Variants in RPL31 observed in about 807,000 individuals in gnomAD.
RPL31 encodes the protein large ribosomal subunit protein eL31.
For missense variants in RPL31, 95 were observed against 164.0 expected, an observed-to-expected ratio of 0.58 and a Z score of 2.30; for synonymous variants, 51 against 55.0, an observed-to-expected ratio of 0.93 and a Z score of 0.32.
intron 3 of RPL31, 77 bp downstream of exon 3, chr2:101,004,360 CAGTT>C: frequency 6.6e-7 from 1 of 1,512,254 alleles, no homozygotes; most frequent in Non-Finnish European, 9.0e-7. Flanking sequence ...GAGCCCATAT[CAGTT>C]CAGTAATTTG....
At chr2:101,005,897 G>GC in intron 3 of RPL31, 62 bp from the exon 4 acceptor site, 1 of 1,378,434 alleles carries the variant, frequency 7.3e-7, no homozygotes, top group South Asian at 1.2e-5. Context: ...TGTGAATACA[G>GC]CTAGTGGCTG....
intron 4 of RPL31, chr2:101,018,031 C>A: frequency 8.4e-7 from 1 of 1,190,436 alleles, no homozygotes. Context: ...TTCTACATAT[C>A]AACCCCTTTT....
At chr2:101,009,496 C>G (rs564971260), downstream of RPL31, among the ~76,000 whole-genome samples, 1 of 150,994 alleles carries the variant, frequency 6.6e-6, no homozygotes, top group South Asian at 2.1e-4. Flanking sequence ...TGAAAGGAAA[C>G]CTGAGTATGA....
chr2:101,004,344 C>T (rs1287665194), intron 3 of RPL31, 61 bp downstream of exon 3: 3 of 1,581,762 alleles, frequency 1.9e-6, no homozygotes, highest in African/African-American at 1.4e-5. Flanking sequence ...TCACTTAACC[C>T]TGCAAGAGCC....
In RPL31 at chr2:101,004,206, T is replaced by G. The variant is rs1678637425; in HGVS notation, c.156T>G (p.Phe52Leu). 6.2e-7 allele frequency: 1 copy of G among 1,613,968 alleles called. No homozygotes were observed. The highest frequency in any genetic ancestry group is 8.5e-7 in the Non-Finnish European group (1 of 1,179,956). The change falls in exon 3 of 5, where the codon TTT becomes TTG. Residue 52 changes from phenylalanine to leucine, a missense_variant. Phe to Leu is a conservative substitution (Grantham distance 22, BLOSUM62 0). Transcript: ENST00000264258. Reference protein sequence around the residue: ...APRALKEIRKFAMKEMGTPDV... With the variant: ...APRALKEIRKLAMKEMGTPDV... ...GGGCACTCAAAGAGATTCGGAAATT[T>G]GCCATGAAGGAGATGGGAACTCCAG...
downstream of RPL31, chr2:101,010,861 G>A (rs143243109): frequency 2.0e-4 from 274 of 1,348,502 alleles, 2 homozygotes; most frequent in East Asian, 3.5e-3. Flanking sequence ...CAGCCTGGGC[G>A]ACAGAGCGAG....
chr2:101,018,009 A>T, intron 4 of RPL31: 6 of 1,396,154 alleles, frequency 4.3e-6, no homozygotes, highest in Non-Finnish European at 5.9e-6. Context: ...TTCTACTTCA[A>T]GCATGTGCTC....
chr2:101,011,006 T>G (rs1141419), downstream of RPL31: 13 of 1,612,756 alleles, frequency 8.1e-6, no homozygotes, highest in African/African-American at 1.5e-4. Context: ...TTCAGCTGTT[T>G]CTGATAATCA....
At chr2:101,002,978 C>T (rs1012707816) in intron 2 of RPL31, among the ~76,000 whole-genome samples, 170 bp downstream of exon 2, 1 of 152,172 alleles carries the variant, frequency 6.6e-6, no homozygotes, top group Non-Finnish European at 1.5e-5. Flanking sequence ...CATTCACAGT[C>T]TGACCAGCTG....
chr2:101,005,901 G>C (rs771781539), intron 3 of RPL31, 58 bp from the exon 4 acceptor site: 4 of 1,430,146 alleles, frequency 2.8e-6, no homozygotes, highest in Non-Finnish European at 3.9e-6. Context: ...AATACAGCTA[G>C]TGGCTGCTTG....
rs1678710834 is a variant in RPL31, at chr2:101,005,856, A to C, written c.234-103A>C. 4.1e-6 allele frequency: 4 copies of C among 974,332 alleles called. No homozygotes were observed. The East Asian group carries it at 1.0e-4, about 25-fold the overall frequency. 60.4% of individuals were successfully genotyped at this position (974,332 alleles called of 1,614,324 possible). A position where few individuals can be genotyped will look rare whatever the true frequency, so the allele number is the denominator to read the frequency against. On this transcript the variant is annotated intron_variant, in intron 3 of 4. Coordinates refer to ENST00000264258, the MANE Select transcript of RPL31 (RefSeq NM_000993.5). ...TTCTAGGTTGGTCAGAGTAGAGCAA[A>C]GGACAGCATTAGAAGCAGGCATATG...
chr2:101,010,989 C>T (rs930515840), downstream of RPL31: 2 of 1,612,850 alleles, frequency 1.2e-6, no homozygotes, highest in Non-Finnish European at 1.7e-6. Context: ...AATCCTTAAT[C>T]ATCTGCTTCA....
chr2:101,010,750 C>A (rs888455009), downstream of RPL31, among the ~76,000 whole-genome samples: 1 of 151,964 alleles, frequency 6.6e-6, no homozygotes, highest in Admixed American at 6.6e-5. Context: ...GACGTGGTTG[C>A]ACACGCCTGT....
chr2:101,016,332 A>G (rs1219018197), intron 4 of RPL31, among the ~76,000 whole-genome samples: 1 of 151,550 alleles, frequency 6.6e-6, no homozygotes, highest in African/African-American at 2.4e-5. Flanking sequence ...AATGCTCATC[A>G]TCACTGGCCA....
At chr2:101,002,949 G>A in intron 2 of RPL31, 141 bp downstream of exon 2, 1 of 661,266 alleles carries the variant, frequency 1.5e-6, no homozygotes, top group Non-Finnish European at 2.7e-6. Context: ...CAAATCCTGT[G>A]GGCTCTACCC....
chr2:101,005,773 G>A (rs756615144), intron 3 of RPL31, 186 bp from the exon 4 acceptor site: 1 of 601,998 alleles, frequency 1.7e-6, no homozygotes, highest in Non-Finnish European at 2.9e-6. Flanking sequence ...TCCCTCCTGT[G>A]GTAACAGCAT....
downstream of RPL31, among the ~76,000 whole-genome samples, chr2:101,012,240 G>A (rs1284392875): frequency 1.3e-5 from 2 of 152,178 alleles, no homozygotes; most frequent in African/African-American, 2.4e-5. Context: ...GTGTTCACAT[G>A]CAAACTTGTA....
exon 5 of RPL31, chr2:101,019,073 TCTCGG>T: frequency 6.3e-7 from 1 of 1,597,596 alleles, no homozygotes; most frequent in South Asian, 1.1e-5. Flanking sequence ...AGGCCTTGGG[TCTCGG>T]CTCTTCATTG....
At chr2:101,009,728 GAAAA>G (rs986817597), downstream of RPL31, among the ~76,000 whole-genome samples, 1 of 149,398 alleles carries the variant, frequency 6.7e-6, no homozygotes, top group Admixed American at 6.7e-5. Context: ...GTGGTCAAAA[GAAAA>G]AAAAGACTGA....
Sources: gnomAD v4.1 joint callset for allele counts (sites outside exome capture counted in the v4.1 genomes callset) on GRCh38, gnomAD v4.1.1 for gene constraint, MANE v1.5 for transcripts, NCBI Gene and HGNC (gene_info 2026-07-23, HGNC 2026-07-21) for gene names.